The following ZNF808 variants were observed in gnomAD, a reference collection of about 807,000 sequenced individuals.
ZNF808 encodes the protein zinc finger protein 808.
In ZNF808, 5 loss-of-function variants were observed where a neutral mutation model predicts 8.7. The ratio of observed to expected loss-of-function variants is 0.58; its 90% CI spans 0.30 to 1.21. ZNF808 has a LOEUF of 1.21. Among genes scored for constraint, ZNF808 ranks in the 50% most tolerant of loss-of-function variants. The probability of loss-of-function intolerance (pLI) is 0.07; values close to 1 mark genes in which losing one functional copy is unlikely to be tolerated. For missense variants in ZNF808, 1,103 were observed against 1,098.4 expected (o/e 1.00, Z -0.06); for synonymous variants, 380 against 366.0 (o/e 1.04, Z -0.44).
chr19:52,567,785 A>T (rs1470092995), downstream of ZNF808, among the ~76,000 whole-genome samples: 2 of 151,962 alleles, frequency 1.3e-5, no homozygotes, highest in Non-Finnish European at 2.9e-5. Flanking sequence ...TCAGCCTACC[A>T]AAGGGCTGGG....
At position 52,555,143 on chromosome 19, in the gene ZNF808, A is replaced by T. The variant is rs757061465; in HGVS notation, c.2227A>T (p.Thr743Ser). Residue 743 changes from threonine to serine, a missense_variant, in exon 5 of 5, where the codon ACG (threonine) becomes TCG (serine). By Grantham distance (58) the Thr-to-Ser change is moderately conservative. Coordinates refer to ENST00000359798, the MANE Select transcript of ZNF808 (RefSeq NM_001039886.4). ...TTACAAGTGTAGTGAGTGCAGCAAG[A>T]CGTTCAGTCAGAAGGCAACCCTTCT... is the stretch of plus-strand genomic sequence containing the variant. Reference protein sequence around the residue: ...KPYKCSECSKTFSQKATLLCH... With the variant: ...KPYKCSECSKSFSQKATLLCH... 6.2e-7 allele frequency: 1 copy of T among 1,613,542 alleles called. No homozygotes were observed. The highest frequency in any genetic ancestry group is 8.5e-7 in the Non-Finnish European group (1 of 1,179,558).
chr19:52,528,806 A>G (rs769517861), intron 1 of ZNF808, among the ~76,000 whole-genome samples: 1 of 151,990 alleles, frequency 6.6e-6, no homozygotes, highest in Non-Finnish European at 1.5e-5. Flanking sequence ...AGAGCAGAGG[A>G]GGCGCAGAGA....
At chr19:52,567,731 G>T (rs934461393), downstream of ZNF808, among the ~76,000 whole-genome samples, 2 of 151,704 alleles carry the variant, frequency 1.3e-5, no homozygotes, top group Non-Finnish European at 2.9e-5. Context: ...CTCTATATTG[G>T]TCAGGCTGGT....
downstream of ZNF808, among the ~76,000 whole-genome samples, chr19:52,559,804 G>C (rs1006441644): frequency 6.6e-5 from 10 of 152,024 alleles, no homozygotes; most frequent in African/African-American, 2.4e-4. Flanking sequence ...TTGGCTCACT[G>C]TAGCTTCCAC....
rs2059830841 is a variant in ZNF808 at position 52,555,749 on chromosome 19, T to C, written c.*121T>C. 7.7e-6 allele frequency: 11 copies of C among 1,421,838 alleles called. No homozygotes were observed. Among genetic ancestry groups the C allele is most frequent in the Non-Finnish European group, 1.1e-5 (11 of 1,034,326 alleles). 88.1% of individuals were successfully genotyped at this position (1,421,838 alleles called of 1,614,324 possible). A position where few individuals can be genotyped will look rare whatever the true frequency, so the allele number is the denominator to read the frequency against. ...TGGCATGTTTTTCAGACATTGTTCA[T>C]ACATTGCAGTTCATTGGCAACCTCA... On this transcript the variant is annotated 3_prime_UTR_variant, in exon 5 of 5. Transcript: ENST00000359798.
rs370112783 is a variant in ZNF808 at position 52,555,096 on chromosome 19, G to T, written c.2180G>T (p.Arg727Ile). Residue 727 changes from arginine (R) to isoleucine (I), a missense_variant, in exon 5 of 5, where the codon AGA (arginine) becomes ATA (isoleucine). Physicochemically the swap from Arg to Ile is moderately conservative, Grantham distance 97 (BLOSUM62 -3). Coordinates refer to ENST00000359798, the MANE Select transcript of ZNF808 (RefSeq NM_001039886.4). ...SNRSSLVCHRRIHSGEKPYKC... is the reference protein window; with the variant it reads ...SNRSSLVCHRIIHSGEKPYKC... The stretch of plus-strand genomic sequence containing the variant: ...AGGTCATCCCTTGTATGCCATCGTA[G>T]AATTCATAGTGGTGAGAAACCTTAC... 3.0e-5 allele frequency: 48 copies of T among 1,614,180 alleles called. No homozygotes were observed. In the African/African-American group the frequency reaches 5.7e-4, roughly 19 times the overall value.
rs374397797 is a variant in ZNF808 at position 52,554,871 on chromosome 19, A to G, written c.1955A>G (p.Lys652Arg). The change falls in exon 5 of 5, where the codon AAG (lysine) becomes AGG (arginine). Residue 652 changes from lysine to arginine, a missense_variant. Physicochemically the swap from Lys to Arg is conservative, Grantham distance 26 (BLOSUM62 2). Transcript: ENST00000359798. ...ATTCACACTGGAGAAAAAACTTACA[A>G]GTGTAATGAGTGTGGGAAGACCTTC... ...TRIHTGEKTY[K>R]CNECGKTFSY... is the part of the protein sequence containing the mutation. 4.5e-5 allele frequency: 72 copies of G among 1,614,108 alleles called. No individual in the cohort carries two copies. The African/African-American group carries it at 8.9e-4, about 20-fold the overall frequency.
intron 3 of ZNF808, 23 bp downstream of exon 3, chr19:52,543,370 A>G (rs766685898): frequency 1.9e-5 from 31 of 1,609,766 alleles, no homozygotes; most frequent in Non-Finnish European, 2.5e-5. Context: ...TCCTCTGTGG[A>G]TTAATCTGTC....
At chr19:52,546,862 T>C (rs1220663203) in intron 3 of ZNF808, among the ~76,000 whole-genome samples, 2 of 151,924 alleles carry the variant, frequency 1.3e-5, no homozygotes, top group Non-Finnish European at 2.9e-5. Flanking sequence ...CAGGAAGGTC[T>C]TGATATCTTG....
chr19:52,554,563 G>T lies in ZNF808; in HGVS notation c.1647G>T (p.Met549Ile), dbSNP rs753416971. 9.9e-6 allele frequency: 16 copies of T among 1,613,804 alleles called. No individual in the cohort carries two copies. Among genetic ancestry groups the T allele is most frequent in the Admixed American group, 1.7e-5 (1 of 59,996 alleles). ...GTACGGTTTGTAACAAGGTTTTCAT[G>T]CGTAATTCAGTCCTGGCTGTACATA... ...YKCTVCNKVF[M>I]RNSVLAVHTR... is the part of the protein sequence containing the mutation. The change falls in exon 5 of 5, where the codon ATG becomes ATT. Residue 549 changes from methionine to isoleucine, a missense_variant. Physicochemically the swap from Met to Ile is conservative, Grantham distance 10 (BLOSUM62 1). Coordinates refer to ENST00000359798, the MANE Select transcript of ZNF808 (RefSeq NM_001039886.4).
At chr19:52,565,092 T>A (rs553814371), downstream of ZNF808, among the ~76,000 whole-genome samples, 27 of 151,578 alleles carry the variant, frequency 1.8e-4, no homozygotes, top group African/African-American at 5.1e-4. Flanking sequence ...TCTCAAAAAA[T>A]AAATAAATAA....
At position 52,554,478 on chromosome 19, in the gene ZNF808, G is replaced by A. The variant is rs375208140; in HGVS notation, c.1562G>A (p.Arg521His). ...TGTAATCAGTGTGGCAATACCTTCC[G>A]TCACCGGGCATCCCTTGTATACCAT... ...YKCNQCGNTF[R>H]HRASLVYHRR... is the part of the protein sequence containing the mutation. The change falls in exon 5 of 5, where the codon CGT (arginine) becomes CAT (histidine). Residue 521 changes from arginine (R) to histidine (H), a missense_variant. By Grantham distance (29) the Arg-to-His change is conservative. Transcript: ENST00000359798. The A allele has an allele frequency of 1.6e-5, 26 of 1,614,106 alleles. No homozygotes were observed. Among genetic ancestry groups the A allele is most frequent in the Middle Eastern group, 1.6e-4 (1 of 6,062 alleles).
At chr19:52,532,282 G>T (rs2059567907) in intron 1 of ZNF808, among the ~76,000 whole-genome samples, 1 of 151,696 alleles carries the variant, frequency 6.6e-6, no homozygotes, top group African/African-American at 2.4e-5. Flanking sequence ...CTGGAGTGCA[G>T]TGGCACAATC....
chr19:52,532,277 G>A (rs976743678), intron 1 of ZNF808, among the ~76,000 whole-genome samples: 23 of 151,590 alleles, frequency 1.5e-4, no homozygotes, highest in African/African-American at 5.6e-4. Flanking sequence ...TCAGGCTGGA[G>A]TGCAGTGGCA....
chr19:52,554,401 G>A lies in ZNF808; in HGVS notation c.1485G>A (p.Arg495=), dbSNP rs1229912771. The A allele has an allele frequency of 1.2e-6, 2 of 1,613,772 alleles. No individual in the cohort carries two copies. Among genetic ancestry groups the A allele is most frequent in the Admixed American group, 1.7e-5 (1 of 59,966 alleles). ...CNECRKTFSR[R]SSLLCHRRLH... is the part of the protein sequence containing the mutation. ...AGTGTCGCAAGACCTTCAGCCGCAG[G>A]TCATCCCTTCTATGCCATCGTAGAC... is the stretch of plus-strand genomic sequence containing the variant. The change falls in exon 5 of 5, where the codon AGG becomes AGA. Residue 495 remains arginine (R), a synonymous_variant. Coordinates refer to ENST00000359798, the MANE Select transcript of ZNF808 (RefSeq NM_001039886.4).
Position 52,532,932 on chromosome 19 carries a change from A to G in ZNF808, c.-97A>G, listed in dbSNP as rs1599950197. 5.9e-6 allele frequency: 1 copy of G among 169,754 alleles called. No individual in the cohort carries two copies. The highest frequency in any genetic ancestry group is 1.6e-4 in the East Asian group (1 of 6,176). 10.5% of individuals were successfully genotyped at this position (169,754 alleles called of 1,614,324 possible). On this transcript the variant is annotated 5_prime_UTR_variant, in exon 2 of 5. Transcript: ENST00000359798. ...GATATCTCTTCCAAATGCTTGATGA[A>G]AAAGGTGGAAGGGTCACTTGACCCA...
exon 4 of ZNF808, chr19:52,564,027 C>T: frequency 2.0e-6 from 1 of 498,482 alleles, no homozygotes; most frequent in South Asian, 1.6e-5. Context: ...CTAGCCCCCT[C>T]TCCTCCTTTG....
At position 52,545,193 on chromosome 19, in the gene ZNF808, G is replaced by A. The variant is rs138566710; in HGVS notation, c.63+1846G>A. Among the ~76,000 whole-genome samples, 979 of 152,188 alleles carry A rather than the reference G, an allele frequency of 6.4e-3. 8 individuals carry two copies. The highest frequency in any genetic ancestry group is 0.021 in the African/African-American group (876 of 41,512). ...TTTATTTTATTTTTAAATTTGTTTT[G>A]AGTTGAGTCTCTGTTGTCCAGGCAG... is the stretch of plus-strand genomic sequence containing the variant. On this transcript the variant is annotated intron_variant, in intron 3 of 4. Coordinates refer to ENST00000359798, the MANE Select transcript of ZNF808 (RefSeq NM_001039886.4).
chr19:52,546,544 T>G (rs1328470279), intron 3 of ZNF808, among the ~76,000 whole-genome samples: 1 of 152,124 alleles, frequency 6.6e-6, no homozygotes, highest in Non-Finnish European at 1.5e-5. Context: ...CTGTCCTCTC[T>G]GAAACACCGC....
Sources: gnomAD v4.1 joint callset for allele counts (sites outside exome capture counted in the v4.1 genomes callset) on GRCh38, gnomAD v4.1.1 for gene constraint, MANE v1.5 for transcripts, NCBI Gene and HGNC (gene_info 2026-07-23, HGNC 2026-07-21) for gene names.